Variants in TRPM7 observed in about 807,000 individuals in gnomAD.
TRPM7 encodes LTRPC ion channel family member 7.
Under a neutral mutation model 229.7 loss-of-function variants are expected in TRPM7, and 134 were observed. The ratio of observed to expected loss-of-function variants is 0.58; its 90% CI spans 0.51 to 0.67. The LOEUF (loss-of-function observed/expected upper bound fraction) is 0.67, where lower values mean the gene tolerates loss of function less well. Ranked by LOEUF, TRPM7 falls within the 30% of genes least tolerant of loss-of-function variation. The pLI is 0.00. For missense variants in TRPM7, 1,901 were observed against 2,210.0 expected, an observed-to-expected ratio of 0.86 and a Z score of 2.80; for synonymous variants, 699 against 715.2, an observed-to-expected ratio of 0.98 and a Z score of 0.36.
rs1393154249 is a variant in TRPM7, at chr15:50,594,562, C to T, written c.3342G>A (p.Gln1114=). ...KAISNIVWKY[Q]RYHFIMAYHE... ...GATAAGCCATAATAAAATGATAACGCTGGTACTTCCATACAATATTGGAAA... is the reference window on the plus strand; with the variant it reads ...GATAAGCCATAATAAAATGATAACGTTGGTACTTCCATACAATATTGGAAA... The change falls in exon 24 of 39, where the codon CAG becomes CAA. Residue 1114 remains glutamine, a synonymous_variant. Transcript: ENST00000646667. 1.2e-6 allele frequency: 2 copies of T among 1,611,872 alleles called. No individual in the cohort carries two copies. The highest frequency in any genetic ancestry group is 1.7e-6 in the Non-Finnish European group (2 of 1,179,122).
At chr15:50,584,378 T>C (rs900389604) in intron 28 of TRPM7, among the ~76,000 whole-genome samples, 3 of 152,188 alleles carry the variant, frequency 2.0e-5, no homozygotes, top group Non-Finnish European at 2.9e-5. Flanking sequence ...ACCTAGAGTG[T>C]TGATTTAACC....
chr15:50,583,258 A>G (rs1434613662), intron 28 of TRPM7, 99 bp from the exon 29 acceptor site: 8 of 711,918 alleles, frequency 1.1e-5, no homozygotes, highest in Non-Finnish European at 1.6e-5. Context: ...TATAACCTTC[A>G]TAAGATAACT....
chr15:50,603,963 T>C (rs1156767639), intron 21 of TRPM7: 2 of 152,218 alleles, frequency 1.3e-5, no homozygotes, highest in Non-Finnish European at 2.9e-5. Context: ...AAACTGTTAA[T>C]AGTGAATGTC....
chr15:50,620,250 G>A (rs570537105), intron 12 of TRPM7, among the ~76,000 whole-genome samples: 3 of 151,796 alleles, frequency 2.0e-5, no homozygotes, highest in Non-Finnish European at 4.4e-5. Context: ...CTTTGAATAT[G>A]GCCCAAGACA....
Position 50,592,466 on chromosome 15 carries a change from C to G in TRPM7, c.3769G>C (p.Ala1257Pro), listed in dbSNP as rs1400875266. ...GTGATTTCATTATGAACTTTGCTAG[C>G]TTCCGACGCTTTCTGGGCAGTGAGT... The part of the protein sequence containing the change: ...KTLTAQKASE[A>P]SKVHNEITRE... The change falls in exon 26 of 39, where the codon GCT becomes CCT. Residue 1257 changes from alanine (A) to proline (P), a missense_variant. Physicochemically the swap from Ala to Pro is conservative, Grantham distance 27. Transcript: ENST00000646667. 1 of 1,614,146 alleles carries G rather than the reference C, an allele frequency of 6.2e-7. No homozygotes were observed. The highest frequency in any genetic ancestry group is 1.7e-5 in the Admixed American group (1 of 60,018).
intron 22 of TRPM7, among the ~76,000 whole-genome samples, chr15:50,598,472 T>C (rs2059689286): frequency 6.6e-6 from 1 of 152,264 alleles, no homozygotes; most frequent in Non-Finnish European, 1.5e-5. Flanking sequence ...TCTGTAAAAC[T>C]CAACATGCTG....
chr15:50,587,943 C>A (rs1206427462), intron 27 of TRPM7, among the ~76,000 whole-genome samples: 1 of 152,128 alleles, frequency 6.6e-6, no homozygotes, highest in Admixed American at 6.6e-5. Flanking sequence ...TTCTTTCTAG[C>A]ACTTTTTCTC....
chr15:50,666,169 C>T (rs772401270), intron 1 of TRPM7, among the ~76,000 whole-genome samples: 52 of 151,722 alleles, frequency 3.4e-4, no homozygotes, highest in Non-Finnish European at 5.7e-4. Flanking sequence ...CTTAGGTTAA[C>T]AAAATTGGTA....
At chr15:50,650,713 CAA>C (rs1051124084) in intron 3 of TRPM7, among the ~76,000 whole-genome samples, 1 of 147,288 alleles carries the variant, frequency 6.8e-6, no homozygotes, top group Admixed American at 6.8e-5. Flanking sequence ...CAAAAAAAAA[CAA>C]AAAAATCAGA....
chr15:50,633,896 T>A (rs115169902), intron 8 of TRPM7, among the ~76,000 whole-genome samples: 1,571 of 152,328 alleles, frequency 0.01, 29 homozygotes, highest in African/African-American at 0.035. Flanking sequence ...TTTGTTCCAA[T>A]AACATATGAG....
At chr15:50,591,486 A>ATTT (rs200361880) in intron 26 of TRPM7, among the ~76,000 whole-genome samples, 12 of 143,662 alleles carry the variant, frequency 8.4e-5, no homozygotes, top group African/African-American at 2.8e-4. Flanking sequence ...CCTACTTCTG[A>ATTT]TTTTTTTTTT....
chr15:50,632,733 A>G, intron 9 of TRPM7, 136 bp downstream of exon 9: 1 of 839,122 alleles, frequency 1.2e-6, no homozygotes, highest in African/African-American at 1.8e-5. Flanking sequence ...AATAAATGAC[A>G]TATTTTTATG....
chr15:50,606,327 T>C (rs747872706), intron 20 of TRPM7, among the ~76,000 whole-genome samples: 1 of 151,772 alleles, frequency 6.6e-6, no homozygotes, highest in African/African-American at 2.4e-5. Flanking sequence ...TGCAGTGAGC[T>C]GAGATTGTGC....
intron 6 of TRPM7, among the ~76,000 whole-genome samples, chr15:50,638,358 CAAAAAAAAAAAAAAAAAAAAAAAAAA>C (rs60939201): frequency 1.7e-4 from 7 of 42,284 alleles, no homozygotes; most frequent in East Asian, 1.2e-3. Flanking sequence ...GACTCCGTCT[CAAAAAAAAAAAAAAAAAAAAAAAAAA>C]AAAAAAAAAA....
intron 21 of TRPM7, among the ~76,000 whole-genome samples, chr15:50,602,191 T>C (rs150925311): frequency 0.015 from 2,297 of 152,200 alleles, 45 homozygotes; most frequent in Non-Finnish European, 0.019. Flanking sequence ...CACCATGGAA[T>C]ACTATGTAGC....
intron 6 of TRPM7, 59 bp downstream of exon 6, chr15:50,639,365 T>TA (rs1435768631): frequency 1.5e-6 from 2 of 1,370,010 alleles, no homozygotes; most frequent in Non-Finnish European, 2.0e-6. Context: ...GCACTATTCT[T>TA]ACTATAATTT....
intron 11 of TRPM7, among the ~76,000 whole-genome samples, chr15:50,627,694 G>T (rs1041817325): frequency 6.6e-6 from 1 of 152,112 alleles, no homozygotes; most frequent in African/African-American, 2.4e-5. Context: ...ATAAAATTAG[G>T]TATTTTGAAA....
intron 28 of TRPM7, among the ~76,000 whole-genome samples, chr15:50,584,492 T>C (rs1262667405): frequency 6.6e-6 from 1 of 152,158 alleles, no homozygotes; most frequent in Non-Finnish European, 1.5e-5. Flanking sequence ...TTGTCTTCTT[T>C]AGTGGAAGGT....
At chr15:50,679,692 C>T (rs1325996362) in intron 1 of TRPM7, among the ~76,000 whole-genome samples, 1 of 150,672 alleles carries the variant, frequency 6.6e-6, no homozygotes, top group East Asian at 2.0e-4. Flanking sequence ...CACACCATCA[C>T]GTCCAGCTGA....
Sources: gnomAD v4.1 joint callset for allele counts (sites outside exome capture counted in the v4.1 genomes callset) on GRCh38, gnomAD v4.1.1 for gene constraint, MANE v1.5 for transcripts, NCBI Gene and HGNC (gene_info 2026-07-23, HGNC 2026-07-21) for gene names.